Variants in NCOA3 observed in about 807,000 individuals in gnomAD.
The protein encoded by NCOA3 is nuclear receptor coactivator 3.
A neutral mutation model predicts 158.8 loss-of-function variants in NCOA3; 51 were observed. The ratio of observed to expected loss-of-function variants is 0.32; its 90% CI spans 0.26 to 0.41. The LOEUF (loss-of-function observed/expected upper bound fraction) is 0.41. Among genes scored for constraint, NCOA3 ranks in the 10% least tolerant of loss-of-function variants. The pLI, the probability that NCOA3 is intolerant of heterozygous loss-of-function variation, is 1.00. For missense variants in NCOA3, 1,510 were observed against 1,746.6 expected (o/e 0.86, Z 2.41); for synonymous variants, 537 against 592.4 (o/e 0.91, Z 1.36).
In NCOA3 at chr20:47,505,321, A is replaced by G. The variant is rs576685801; in HGVS notation, c.-99+3302A>G. Reference sequence around the variant, plus strand: ...GTAATCCACCTGCCTTGGCCTCCCAAAGTGCTGGGATTACAGGTGTGAGCC... The same window carrying G: ...GTAATCCACCTGCCTTGGCCTCCCAGAGTGCTGGGATTACAGGTGTGAGCC... On this transcript the variant is annotated intron_variant, in intron 1 of 22. Coordinates refer to ENST00000371998, the MANE Select transcript of NCOA3 (RefSeq NM_181659.3). 4.6e-5 allele frequency among the ~76,000 whole-genome samples: 7 copies of G among 152,006 alleles called. No homozygotes were observed. In the East Asian group the frequency reaches 1.4e-3, roughly 29 times the overall value.
rs1307873848 is a variant in NCOA3 at position 47,614,797 on chromosome 20, ATGGTTAGG to A, written c.-19-7430_-19-7423del. Among the ~76,000 whole-genome samples, 6 of 152,136 alleles carry A rather than the reference ATGGTTAGG, an allele frequency of 3.9e-5. No homozygotes were observed. The East Asian group carries it at 1.2e-3, about 29-fold the overall frequency. ...GGCAGTTTAGTGACATCGGTGGGTA[ATGGTTAGG>A]TAAGGTACTTGAGGGGAGCATTAGT... On this transcript the variant is annotated intron_variant, in intron 2 of 22. Coordinates refer to ENST00000371998, the MANE Select transcript of NCOA3 (RefSeq NM_181659.3).
chr20:47,550,720 A>G (rs982791928), intron 1 of NCOA3, among the ~76,000 whole-genome samples: 1 of 152,192 alleles, frequency 6.6e-6, no homozygotes, highest in African/African-American at 2.4e-5. Context: ...GCTTTCACAT[A>G]ACTCCTTCCA....
intron 2 of NCOA3, among the ~76,000 whole-genome samples, chr20:47,617,866 A>G (rs577263931): frequency 6.6e-6 from 1 of 152,232 alleles, no homozygotes; most frequent in Non-Finnish European, 1.5e-5. Flanking sequence ...TATCTTATAC[A>G]GTTGTACAGT....
intron 1 of NCOA3, among the ~76,000 whole-genome samples, chr20:47,504,478 C>CTTTTTTTT (rs58220390): frequency 1.0e-5 from 1 of 98,666 alleles, no homozygotes; most frequent in Non-Finnish European, 2.0e-5. Context: ...CTAAGTGTGT[C>CTTTTTTTT]TTTTTTTTTT....
intron 1 of NCOA3, among the ~76,000 whole-genome samples, chr20:47,542,860 G>C (rs1219817281): frequency 6.6e-6 from 1 of 152,186 alleles, no homozygotes; most frequent in African/African-American, 2.4e-5. Context: ...TACTTGGGAG[G>C]CTGAGGCAGG....
At chr20:47,537,740 C>A (rs139862694) in intron 1 of NCOA3, among the ~76,000 whole-genome samples, 183 of 152,000 alleles carry the variant, frequency 1.2e-3, no homozygotes, top group Non-Finnish European at 2.0e-3. Context: ...TCACCACACC[C>A]GGCTAATTTT....
chr20:47,598,298 C>T lies in NCOA3; in HGVS notation c.-20+15037C>T, dbSNP rs377672798. 2.7e-5 allele frequency among the ~76,000 whole-genome samples: 4 copies of T among 148,792 alleles called. 1 individual carries two copies. The highest frequency in any genetic ancestry group is 9.9e-5 in the African/African-American group (4 of 40,540). On this transcript the variant is annotated intron_variant, in intron 2 of 22. Transcript: ENST00000371998. ...GGCTTCTTTACTGTTTACTAGCGAA[C>T]TTTGGAAGCATCATTTACATGTATT...
At chr20:47,515,322 C>A (rs1168287704) in intron 1 of NCOA3, among the ~76,000 whole-genome samples, 1 of 151,798 alleles carries the variant, frequency 6.6e-6, no homozygotes, top group Non-Finnish European at 1.5e-5. Context: ...ACCACCATGC[C>A]TGGTTAATTT....
chr20:47,508,895 C>T (rs751675403), intron 1 of NCOA3, among the ~76,000 whole-genome samples: 3 of 152,170 alleles, frequency 2.0e-5, no homozygotes, highest in Non-Finnish European at 4.4e-5. Context: ...AAATCAATCT[C>T]TCTTGGCCAG....
At chr20:47,616,127 C>T (rs1318607189) in intron 2 of NCOA3, among the ~76,000 whole-genome samples, 2 of 143,684 alleles carry the variant, frequency 1.4e-5, no homozygotes, top group Admixed American at 1.4e-4. Flanking sequence ...CACTGCACTC[C>T]ACCCGCCCCC....
chr20:47,546,530 T>G (rs2084831023), intron 1 of NCOA3, among the ~76,000 whole-genome samples: 1 of 149,288 alleles, frequency 6.7e-6, no homozygotes, highest in Non-Finnish European at 1.5e-5. Context: ...TGCCTCTGTT[T>G]TTTTTTTTTT....
In NCOA3 at chr20:47,515,195, G is replaced by A. The variant is rs184287024; in HGVS notation, c.-99+13176G>A. ...ATTTTTTTTTTTGAGATGGAGTCTC[G>A]CTCTGTTGCCCACCTGGAGTGCAGT... On this transcript the variant is annotated intron_variant, in intron 1 of 22. Transcript: ENST00000371998. Among the ~76,000 whole-genome samples the A allele has an allele frequency of 3.4e-3, 513 of 150,396 alleles. 2 individuals are homozygous for A. The highest frequency in any genetic ancestry group is 0.012 in the African/African-American group (482 of 40,982).
intron 2 of NCOA3, among the ~76,000 whole-genome samples, chr20:47,598,725 G>C (rs575825953): frequency 6.6e-6 from 1 of 152,330 alleles, no homozygotes; most frequent in South Asian, 2.1e-4. Context: ...CATAGCAACA[G>C]TATTCATAGT....
chr20:47,575,889 A>G (rs1167834892), intron 1 of NCOA3, among the ~76,000 whole-genome samples: 2 of 152,218 alleles, frequency 1.3e-5, no homozygotes, highest in South Asian at 2.1e-4. Context: ...TGGTGCTTCA[A>G]AGGCATCTAG....
At chr20:47,514,808 C>G (rs899083572) in intron 1 of NCOA3, among the ~76,000 whole-genome samples, 21 of 150,304 alleles carry the variant, frequency 1.4e-4, no homozygotes, top group Admixed American at 6.6e-5. Flanking sequence ...CCTCCGCCTC[C>G]AGAGTAGCTG....
At chr20:47,545,703 A>G (rs2084817162) in intron 1 of NCOA3, among the ~76,000 whole-genome samples, 1 of 147,526 alleles carries the variant, frequency 6.8e-6, no homozygotes, top group African/African-American at 2.5e-5. Flanking sequence ...TACTATACAT[A>G]TATTGGATCA....
intron 2 of NCOA3, among the ~76,000 whole-genome samples, chr20:47,601,933 G>A (rs1210221787): frequency 1.3e-5 from 2 of 152,178 alleles, no homozygotes; most frequent in African/African-American, 2.4e-5. Flanking sequence ...ACATTTTAAA[G>A]CAACTTTGAA....
rs765723710 is a variant in NCOA3 at position 47,639,677 on chromosome 20, C to T, written c.2808C>T (p.Asn936=). ...KAGRMEPMNS[N]SMGRPGGDYN... is the part of the protein sequence containing the mutation. ...GCAGAATGGAACCTATGAATTCAAACTCCATGGGAAGACCAGGAGGAGATT... is the reference window on the plus strand; with the variant it reads ...GCAGAATGGAACCTATGAATTCAAATTCCATGGGAAGACCAGGAGGAGATT... Residue 936 remains asparagine (N), a synonymous_variant, in exon 15 of 23, where the codon AAC becomes AAT. Coordinates refer to ENST00000371998, the MANE Select transcript of NCOA3 (RefSeq NM_181659.3). The T allele has an allele frequency of 6.8e-6, 11 of 1,614,128 alleles. No homozygotes were observed. In the South Asian group the frequency reaches 1.2e-4, roughly 18 times the overall value.
At chr20:47,544,171 T>TC (rs925301986) in intron 1 of NCOA3, among the ~76,000 whole-genome samples, 6 of 152,044 alleles carry the variant, frequency 3.9e-5, no homozygotes, top group African/African-American at 1.4e-4. Flanking sequence ...TGTGTTTTTT[T>TC]CTGTTCCAGG....
Sources: allele counts gnomAD v4.1 joint callset (sites outside exome capture counted in the v4.1 genomes callset), GRCh38; gene constraint gnomAD v4.1.1; transcripts MANE v1.5; gene names NCBI Gene and HGNC (gene_info 2026-07-23, HGNC 2026-07-21).